Variants in DMD observed in about 807,000 individuals in gnomAD.
DMD encodes the protein dystrophin, also known as mutant dystrophin.
A neutral mutation model predicts 330.1 loss-of-function variants in DMD; 63 were observed. That is an observed-to-expected ratio of 0.19 (90% CI 0.16 to 0.24). DMD has a LOEUF of 0.24. Ranked by LOEUF, DMD falls within the 10% of genes least tolerant of loss-of-function variation. DMD has a pLI of 1.00. For synonymous variants in DMD, 1,223 were observed against 959.8 expected, an observed-to-expected ratio of 1.27 and a Z score of -5.07; for missense variants, 3,344 against 2,684.1, an observed-to-expected ratio of 1.25 and a Z score of -5.43.
intron 47 of DMD, among the ~76,000 whole-genome samples, chrX:31,906,566 T>C (rs1035449255): frequency 8.9e-5 from 10 of 112,380 alleles, no homozygotes; most frequent in African/African-American, 2.9e-4. Flanking sequence ...CCTTGATAAA[T>C]GAGTAGGAAT....
chrX:32,971,229 T>C (rs1224831457), intron 2 of DMD, among the ~76,000 whole-genome samples: 1 of 111,948 alleles, frequency 8.9e-6, no homozygotes, highest in Admixed American at 9.5e-5. Flanking sequence ...CCCAAAGTGC[T>C]GGGATTACAA....
intron 55 of DMD, among the ~76,000 whole-genome samples, chrX:31,509,190 A>G (rs1265960287): frequency 1.8e-5 from 2 of 111,936 alleles, no homozygotes; most frequent in Non-Finnish European, 3.8e-5. Context: ...GTAGAAGGTT[A>G]GTATTGGGAT....
intron 2 of DMD, among the ~76,000 whole-genome samples, chrX:32,917,209 G>C (rs944237336): frequency 1.2e-5 from 1 of 86,512 alleles, no homozygotes; most frequent in Admixed American, 1.7e-4. Context: ...GATGTGCCTT[G>C]CCTCCCCTTC....
chrX:32,598,732 T>A (rs986225830), intron 12 of DMD, among the ~76,000 whole-genome samples: 6 of 112,192 alleles, frequency 5.3e-5, no homozygotes, highest in Admixed American at 9.5e-5. Context: ...TTTTGTTTCG[T>A]TCATCTATTT....
At chrX:32,524,863 C>T (rs888589772) in intron 17 of DMD, among the ~76,000 whole-genome samples, 6 of 112,106 alleles carry the variant, frequency 5.4e-5, no homozygotes, top group African/African-American at 1.6e-4. Context: ...TGATTACGCT[C>T]GTTTTTTGAT....
intron 51 of DMD, among the ~76,000 whole-genome samples, chrX:31,735,702 A>T (rs1430207671): frequency 3.6e-5 from 4 of 112,099 alleles, no homozygotes; most frequent in African/African-American, 1.3e-4. Context: ...CATTCAACAC[A>T]TGCAGCTCAA....
chrX:32,136,205 C>T (rs1262958617), intron 44 of DMD, among the ~76,000 whole-genome samples: 2 of 112,522 alleles, frequency 1.8e-5, no homozygotes, highest in Non-Finnish European at 3.8e-5. Context: ...ACATCAAATG[C>T]TTTCTTTTGG....
intron 2 of DMD, among the ~76,000 whole-genome samples, chrX:32,883,232 T>C (rs1156504246): frequency 8.9e-6 from 1 of 112,088 alleles, no homozygotes; most frequent in East Asian, 2.8e-4. Flanking sequence ...ACATTTCATA[T>C]ACATGGTTGA....
At chrX:33,145,642 A>AATAT (rs372303754) in intron 1 of DMD, among the ~76,000 whole-genome samples, 1,148 of 103,538 alleles carry the variant, frequency 0.011, 7 homozygotes, top group East Asian at 0.036. Flanking sequence ...TATAATACTA[A>AATAT]ATATATATAT....
intron 29 of DMD, among the ~76,000 whole-genome samples, chrX:32,435,469 CA>C (rs747110277): frequency 6.5e-5 from 7 of 106,915 alleles, no homozygotes; most frequent in Non-Finnish European, 5.8e-5. Flanking sequence ...ATTTTGCTCA[CA>C]AAAAAAACCC....
chrX:32,501,606 A>G, intron 19 of DMD, 149 bp downstream of exon 19: 1 of 480,863 alleles, frequency 2.1e-6, no homozygotes, highest in Non-Finnish European at 3.6e-6. Flanking sequence ...CCTTAGCATT[A>G]AAAAAAGAAT....
Position 31,715,411 on chromosome X carries a change from C to T in DMD, c.7660+14220G>A, listed in dbSNP as rs757180296. Among the ~76,000 whole-genome samples the T allele has an allele frequency of 4.8e-5, 5 of 104,509 alleles. 1 individual carries two copies. The highest frequency in any genetic ancestry group is 9.7e-3 in the Middle Eastern group (2 of 207). 90.8% of individuals were successfully genotyped at this position (104,509 alleles called of 115,157 possible). A position where few individuals can be genotyped will look rare whatever the true frequency, so the allele number is the denominator to read the frequency against. On this transcript the variant is annotated intron_variant, in intron 52 of 78. Transcript: ENST00000357033. ...TACAAAAATTAGCCGGGCATGGTGGCGCGCGCCTGTAGTCCCAGCTACACG... is the reference window on the plus strand; with the variant it reads ...TACAAAAATTAGCCGGGCATGGTGGTGCGCGCCTGTAGTCCCAGCTACACG...
At chrX:32,776,746 C>T (rs1468062510) in intron 7 of DMD, among the ~76,000 whole-genome samples, 1 of 111,638 alleles carries the variant, frequency 9.0e-6, no homozygotes, top group Non-Finnish European at 1.9e-5. Context: ...CAAATTATAT[C>T]AACTTATTAA....
chrX:31,743,506 T>C (rs775198508), intron 51 of DMD, among the ~76,000 whole-genome samples: 1 of 112,446 alleles, frequency 8.9e-6, no homozygotes, highest in African/African-American at 3.2e-5. Flanking sequence ...CATGGAATAC[T>C]ATGCAGCCAT....
In DMD at chrX:32,957,906, C is replaced by T. The variant is rs150905359; in HGVS notation, c.93+62233G>A. Among the ~76,000 whole-genome samples, 368 of 111,786 alleles carry T rather than the reference C, an allele frequency of 3.3e-3. 4 individuals are homozygous for T. The highest frequency in any genetic ancestry group is 0.025 in the Admixed American group (266 of 10,479). ...CAGAGTAAGGCTATCTTCAGTTAAT[C>T]GAGAGAAGCCTGATCATCAGAAGCA... On this transcript the variant is annotated intron_variant, in intron 2 of 78. Coordinates refer to ENST00000357033, the MANE Select transcript of DMD (RefSeq NM_004006.3).
At chrX:31,892,077 CTAGCTGAAGCTTGCAATCGCAGT>C (rs1384738162) in intron 47 of DMD, among the ~76,000 whole-genome samples, 1 of 111,725 alleles carries the variant, frequency 9.0e-6, no homozygotes, top group East Asian at 2.8e-4. Context: ...CTGGGACCAG[CTAGCTGAAGCTTGCAATCGCAGT>C]TAGCTGAAAT....
chrX:32,063,307 T>C (rs2096240709), intron 44 of DMD, among the ~76,000 whole-genome samples: 1 of 110,265 alleles, frequency 9.1e-6, no homozygotes, highest in South Asian at 3.8e-4. Flanking sequence ...TCCTTTGGAG[T>C]GATCAATTGC....
chrX:31,916,440 A>G (rs759124406), intron 47 of DMD, among the ~76,000 whole-genome samples: 4 of 112,306 alleles, frequency 3.6e-5, no homozygotes, highest in African/African-American at 1.3e-4. Context: ...CCTCAATCCT[A>G]AAATTACTGA....
rs962032334 is a variant in DMD at position 31,129,812 on chromosome X, C to T, written c.11015-3139G>A. ...AAGGGCACACCATATTTCTATCTGC[C>T]TTTGTTCTTTATGTTGCTCTTCCAT... On this transcript the variant is annotated intron_variant, in intron 77 of 78. Transcript: ENST00000357033. Among the ~76,000 whole-genome samples the T allele has an allele frequency of 1.8e-4, 20 of 112,143 alleles. 1 individual carries two copies. The highest frequency in any genetic ancestry group is 6.1e-4 in the African/African-American group (19 of 30,944).
Sources: gnomAD v4.1 joint callset for allele counts (sites outside exome capture counted in the v4.1 genomes callset) on GRCh38, gnomAD v4.1.1 for gene constraint, MANE v1.5 for transcripts, NCBI Gene and HGNC (gene_info 2026-07-23, HGNC 2026-07-21) for gene names.